Variants in PAK4 observed in about 807,000 individuals in gnomAD.
PAK4 encodes p21 (RAC1) activated kinase 4.
A neutral mutation model predicts 53.5 loss-of-function variants in PAK4; 49 were observed. The ratio of observed to expected loss-of-function variants is 0.92; its 90% CI spans 0.73 to 1.16. PAK4 has a LOEUF of 1.16. PAK4 is among the 50% of genes most tolerant of loss of function. The pLI is 0.00. For missense variants in PAK4, 824 were observed against 850.7 expected (o/e 0.97, Z 0.39); for synonymous variants, 376 against 375.6 (o/e 1.00, Z -0.01).
chr19:39,126,630 A>G lies in PAK4; in HGVS notation c.-23+711A>G, dbSNP rs545123094. 1.3e-4 allele frequency among the ~76,000 whole-genome samples: 20 copies of G among 152,164 alleles called. No individual in the cohort carries two copies. In the East Asian group the frequency reaches 3.3e-3, roughly 25 times the overall value. On this transcript the variant is annotated intron_variant, in intron 1 of 8. Coordinates refer to ENST00000358301, the Ensembl canonical transcript of PAK4. The stretch of plus-strand genomic sequence containing the variant: ...TAGGGGGTCTTAACCTGGTATTAAG[A>G]GGTTAAGTGATTTGCACAAGGTCAC...
chr19:39,132,367 G>A (rs906810231), intron 1 of PAK4, among the ~76,000 whole-genome samples: 2 of 152,152 alleles, frequency 1.3e-5, no homozygotes, highest in Non-Finnish European at 2.9e-5. Context: ...CATCACCCCC[G>A]GTTTCTTTTC....
chr19:39,146,688 A>C (rs547865793), intron 1 of PAK4, among the ~76,000 whole-genome samples: 1 of 152,120 alleles, frequency 6.6e-6, no homozygotes, highest in South Asian at 2.1e-4. Flanking sequence ...CAAAATAGAA[A>C]AGCTTATCTG....
chr19:39,149,689 T>C (rs1011952995), intron 1 of PAK4, among the ~76,000 whole-genome samples: 2 of 152,142 alleles, frequency 1.3e-5, no homozygotes, highest in African/African-American at 4.8e-5. Flanking sequence ...ACCCTGTCTC[T>C]ACTAAAAATA....
chr19:39,142,751 A>T (rs1035155175), intron 1 of PAK4, among the ~76,000 whole-genome samples: 2 of 151,924 alleles, frequency 1.3e-5, no homozygotes, highest in African/African-American at 2.4e-5. Flanking sequence ...GTGGTCTCCC[A>T]CCCCAGCTCT....
At chr19:39,150,296 G>A (rs73551720) in intron 1 of PAK4, among the ~76,000 whole-genome samples, 2,851 of 152,142 alleles carry the variant, frequency 0.019, 91 homozygotes, top group African/African-American at 0.065. Flanking sequence ...TGAAAAAAGA[G>A]CTCTGGGAGC....
intron 4 of PAK4, among the ~76,000 whole-genome samples, chr19:39,174,257 C>T (rs575074835): frequency 5.3e-5 from 8 of 152,008 alleles, no homozygotes; most frequent in Non-Finnish European, 1.0e-4. Context: ...CACTGACCCC[C>T]GACCCAGTGT....
rs554854544 is a variant in PAK4 at position 39,178,338 on chromosome 19, C to T, written c.1621-86C>T. On this transcript the variant is annotated intron_variant, in intron 8 of 8. Transcript: ENST00000358301. This position sits in a 1 kb window ranked among gnomAD's most constrained non-coding sequence, Gnocchi z 4.4. ...CTCCTGCACAGTACATGCCGCCAGCCGACTTGGCAGAGGCGGACACTGCAG... is the reference window on the plus strand; with the variant it reads ...CTCCTGCACAGTACATGCCGCCAGCTGACTTGGCAGAGGCGGACACTGCAG... The T allele has an allele frequency of 4.8e-5, 69 of 1,450,298 alleles. No individual in the cohort carries two copies. The African/African-American group carries it at 6.0e-4, about 13-fold the overall frequency. The allele number at this position is 1,450,298 out of a possible 1,614,324, so 89.8% of individuals were successfully genotyped here. A position where few individuals can be genotyped will look rare whatever the true frequency, so the allele number is the denominator to read the frequency against.
At chr19:39,131,931 T>C (rs887381175) in intron 1 of PAK4, among the ~76,000 whole-genome samples, 11 of 152,188 alleles carry the variant, frequency 7.2e-5, no homozygotes, top group African/African-American at 1.9e-4. Flanking sequence ...CGGAAGATCA[T>C]GTGTGTGCGT....
At chr19:39,133,809 C>T (rs765433757) in intron 1 of PAK4, among the ~76,000 whole-genome samples, 8 of 152,216 alleles carry the variant, frequency 5.3e-5, no homozygotes, top group Admixed American at 1.3e-4. Flanking sequence ...CTTCCCAGCC[C>T]GGTTTTGCCA....
chr19:39,180,882 A>G (rs1490676730), downstream of PAK4: 7 of 152,292 alleles, frequency 4.6e-5, no homozygotes, highest in African/African-American at 1.4e-4. Context: ...AGAACAGAGC[A>G]TCTCAGAAAC....
chr19:39,147,323 G>A (rs966287777), intron 1 of PAK4, among the ~76,000 whole-genome samples: 2 of 152,170 alleles, frequency 1.3e-5, no homozygotes, highest in African/African-American at 2.4e-5. Flanking sequence ...AGGTGCATCC[G>A]CATTGTGGTG....
intron 1 of PAK4, among the ~76,000 whole-genome samples, chr19:39,153,414 A>G (rs2074125374): frequency 6.6e-6 from 1 of 151,972 alleles, no homozygotes; most frequent in Non-Finnish European, 1.5e-5. Context: ...ATGTGCCACC[A>G]CACCCGGCTA....
intron 1 of PAK4, among the ~76,000 whole-genome samples, chr19:39,136,017 A>ACC (rs74176489): frequency 4.6e-5 from 3 of 64,628 alleles, no homozygotes; most frequent in Non-Finnish European, 8.9e-5. Flanking sequence ...CTTCTTCGTC[A>ACC]CCCCCCTTCC....
intron 1 of PAK4, among the ~76,000 whole-genome samples, chr19:39,143,289 TAAAA>T (rs33954043): frequency 8.5e-5 from 10 of 117,734 alleles, no homozygotes; most frequent in Admixed American, 1.8e-4. Flanking sequence ...GTAGAAGCAT[TAAAA>T]AAAAAAAAAA....
intron 1 of PAK4, among the ~76,000 whole-genome samples, chr19:39,139,856 C>G (rs2073881471): frequency 1.3e-5 from 2 of 152,102 alleles, no homozygotes; most frequent in South Asian, 2.1e-4. Context: ...CTCTGACATG[C>G]TTCTGAGCTG....
chr19:39,175,085 C>G lies in PAK4; in HGVS notation c.1232+21C>G. The G allele has an allele frequency of 5.6e-6, 9 of 1,593,098 alleles. No homozygotes were observed. The highest frequency in any genetic ancestry group is 7.7e-6 in the Non-Finnish European group (9 of 1,169,316). On this transcript the variant is annotated intron_variant, in intron 5 of 8. Coordinates refer to ENST00000358301, the Ensembl canonical transcript of PAK4. This position sits in a 1 kb window ranked among gnomAD's most constrained non-coding sequence, Gnocchi z 4.7. ...ACCAGGTATTTCTGGGGCCTCAGAC[C>G]CCTCCTGTGACACGACCAAGTCCCC...
intron 1 of PAK4, among the ~76,000 whole-genome samples, chr19:39,140,176 A>C (rs2073887418): frequency 3.4e-5 from 5 of 146,110 alleles, no homozygotes; most frequent in Admixed American, 6.8e-5. Context: ...TCCCCACCCC[A>C]CCCTCCTGCA....
At chr19:39,172,999 C>T (rs1477605417) in exon 3 of PAK4, 6 of 1,549,990 alleles carry the variant, frequency 3.9e-6, no homozygotes, top group South Asian at 1.2e-5. Context: ...GTCGGTGACA[C>T]GCTCCAACTC....
intron 1 of PAK4, among the ~76,000 whole-genome samples, chr19:39,142,613 C>G (rs976621092): frequency 1.1e-4 from 16 of 152,134 alleles, no homozygotes; most frequent in African/African-American, 3.6e-4. Flanking sequence ...TTCAAGTAAA[C>G]CAGTGGCATT....
Sources: gnomAD v4.1 joint callset for allele counts (sites outside exome capture counted in the v4.1 genomes callset) on GRCh38, gnomAD v4.1.1 for gene constraint, Gnocchi (gnomAD v3.1) non-coding constraint, MANE v1.5 for transcripts, NCBI Gene and HGNC (gene_info 2026-07-23, HGNC 2026-07-21) for gene names.